The following DLGAP4 variants were observed in gnomAD, a reference collection of about 807,000 sequenced individuals.
DLGAP4 encodes disks large-associated protein 4.
DLGAP4 carries 18 observed loss-of-function variants against 86.9 expected under a neutral mutation model. The ratio of observed to expected loss-of-function variants is 0.21; its 90% CI spans 0.14 to 0.31. The LOEUF (loss-of-function observed/expected upper bound fraction) is 0.31, where lower values mean the gene tolerates loss of function less well. DLGAP4 is among the 10% of genes least tolerant of loss of function. The probability of loss-of-function intolerance (pLI) is 1.00; values close to 1 mark genes in which losing one functional copy is unlikely to be tolerated. For synonymous variants in DLGAP4, 548 were observed against 574.3 expected, an observed-to-expected ratio of 0.95 and a Z score of 0.65; for missense variants, 1,085 against 1,362.6, an observed-to-expected ratio of 0.80 and a Z score of 3.21.
chr20:36,467,294 G>GA, intron 7 of DLGAP4, among the ~76,000 whole-genome samples: 1 of 152,348 alleles, frequency 6.6e-6, no homozygotes, highest in African/African-American at 2.4e-5. Context: ...AGAGCCCTTT[G>GA]AGGGGAGCTG....
intron 1 of DLGAP4, among the ~76,000 whole-genome samples, chr20:36,332,547 A>G (rs1207224933): frequency 2.0e-5 from 3 of 151,784 alleles, no homozygotes; most frequent in Non-Finnish European, 4.4e-5. Flanking sequence ...CCGCCACTGC[A>G]CCCAGCTAAT....
At position 36,500,535 on chromosome 20, in the gene DLGAP4, G is replaced by A; in HGVS notation, c.2436G>A (p.Gln812=). ...RDGYWFLKLL[Q]AETERLEGWC... ...GCTACTGGTTCCTAAAGCTACTGCA[G>A]GCAGAAACAGAGCGGCTGGAAGGCT... Residue 812 remains glutamine (Q), a synonymous_variant, in exon 10 of 13, where the codon CAG becomes CAA. Coordinates refer to ENST00000339266, the MANE Select transcript of DLGAP4 (RefSeq NM_001365621.2). The surrounding 1 kb of genome is among the most constrained non-coding windows in gnomAD (Gnocchi z 4.6). 2 of 1,558,848 alleles carry A rather than the reference G, an allele frequency of 1.3e-6. No individual in the cohort carries two copies. Among genetic ancestry groups the A allele is most frequent in the Non-Finnish European group, 1.7e-6 (2 of 1,155,120 alleles).
chr20:36,377,868 G>C (rs185587983), intron 2 of DLGAP4, among the ~76,000 whole-genome samples: 1 of 152,190 alleles, frequency 6.6e-6, no homozygotes, highest in African/African-American at 2.4e-5. Context: ...TCAGCTCTTC[G>C]GGGGATTGGC....
At chr20:36,474,175 A>G (rs1406370575) in intron 7 of DLGAP4, among the ~76,000 whole-genome samples, 1 of 152,220 alleles carries the variant, frequency 6.6e-6, no homozygotes, top group African/African-American at 2.4e-5. Flanking sequence ...TGAAATAGCC[A>G]AAAACTGTCC....
chr20:36,458,237 G>A (rs1245797679), intron 7 of DLGAP4, among the ~76,000 whole-genome samples: 1 of 151,858 alleles, frequency 6.6e-6, no homozygotes, highest in Non-Finnish European at 1.5e-5. Flanking sequence ...CAGACCGGGT[G>A]CGGTGGCTCA....
intron 1 of DLGAP4, among the ~76,000 whole-genome samples, chr20:36,336,612 G>A (rs1356978871): frequency 6.6e-6 from 1 of 152,196 alleles, no homozygotes; most frequent in East Asian, 1.9e-4. Flanking sequence ...GGTGTTTGTG[G>A]ATGAGTGACT....
chr20:36,436,255 C>T lies in DLGAP4; in HGVS notation c.1146C>T (p.Gly382=). Residue 382 remains glycine (G), a synonymous_variant, in exon 4 of 13, where the codon GGC becomes GGT. Transcript: ENST00000339266. ...AMGDEDSDES[G]GSPKPSPKTA... is the part of the protein sequence containing the mutation. Reference sequence around the variant, plus strand: ...GCGACGAGGACAGCGACGAGTCCGGCGGCAGCCCCAAGCCCTCACCCAAGA... The same window carrying T: ...GCGACGAGGACAGCGACGAGTCCGGTGGCAGCCCCAAGCCCTCACCCAAGA... The T allele has an allele frequency of 1.2e-6, 2 of 1,605,754 alleles. No homozygotes were observed. Among genetic ancestry groups the T allele is most frequent in the Non-Finnish European group, 1.7e-6 (2 of 1,179,464 alleles).
At chr20:36,460,037 A>G (rs1288025000) in intron 7 of DLGAP4, among the ~76,000 whole-genome samples, 1 of 152,182 alleles carries the variant, frequency 6.6e-6, no homozygotes, top group Non-Finnish European at 1.5e-5. Flanking sequence ...AGTCCCAGAG[A>G]GGGAAAGGGA....
chr20:36,499,132 C>T (rs2147773259), intron 8 of DLGAP4: 3 of 1,116,794 alleles, frequency 2.7e-6, no homozygotes, highest in Non-Finnish European at 3.8e-6. Context: ...TGCCTCAAGA[C>T]AGCCGCCAGC....
At position 36,432,363 on chromosome 20, in the gene DLGAP4, G is replaced by A. The variant is rs202018894; in HGVS notation, c.646G>A (p.Gly216Ser). 83 of 1,613,470 alleles carry A rather than the reference G, an allele frequency of 5.1e-5. No individual in the cohort carries two copies. In the Middle Eastern group the frequency reaches 9.9e-4, roughly 19 times the overall value. Reference protein sequence around the residue: ...SSDDNLDGEAGAFRSSGPASG... With the variant: ...SSDDNLDGEASAFRSSGPASG... The stretch of plus-strand genomic sequence containing the variant: ...CGATGACAACTTGGACGGCGAGGCC[G>A]GCGCCTTCCGCAGCAGTGGCCCAGC... Residue 216 changes from glycine to serine, a missense_variant, in exon 3 of 13, where the codon GGC (glycine) becomes AGC (serine). Coordinates refer to ENST00000339266, the MANE Select transcript of DLGAP4 (RefSeq NM_001365621.2). This position sits in a 1 kb window ranked among gnomAD's most constrained non-coding sequence, Gnocchi z 6.5.
chr20:36,317,275 CTTATCTTTCTTTCTTTCTTATCTTTCTTT>C (rs2065114879), intron 1 of DLGAP4, among the ~76,000 whole-genome samples: 3 of 8,482 alleles, frequency 3.5e-4, no homozygotes, highest in African/African-American at 9.1e-4. Context: ...TTCTTTCTTT[CTTATCTTTCTTTCTTTCTTATCTTTCTTT>C]CTTCCTTCCT....
chr20:36,434,923 T>C (rs2033228567), intron 3 of DLGAP4, among the ~76,000 whole-genome samples: 1 of 152,068 alleles, frequency 6.6e-6, no homozygotes, highest in African/African-American at 2.4e-5. Flanking sequence ...ATGTGCAGTC[T>C]GGTGAGGGGT....
intron 2 of DLGAP4, among the ~76,000 whole-genome samples, chr20:36,402,584 C>T (rs1328146190): frequency 6.6e-6 from 1 of 151,924 alleles, no homozygotes; most frequent in Non-Finnish European, 1.5e-5. Context: ...CCTGTCTCTA[C>T]AAAATATTAA....
intron 1 of DLGAP4, among the ~76,000 whole-genome samples, chr20:36,325,918 A>G (rs1430757848): frequency 6.6e-6 from 1 of 151,932 alleles, no homozygotes; most frequent in African/African-American, 2.4e-5. Flanking sequence ...GGGTTTCACT[A>G]TGTTGACCAG....
chr20:36,400,784 G>A (rs2032134979), intron 2 of DLGAP4, among the ~76,000 whole-genome samples: 1 of 151,952 alleles, frequency 6.6e-6, no homozygotes, highest in South Asian at 2.1e-4. Context: ...CAGAAGACCA[G>A]TGACGTGCCT....
At chr20:36,473,097 G>A (rs956882324) in intron 7 of DLGAP4, 2 of 152,260 alleles carry the variant, frequency 1.3e-5, no homozygotes, top group Non-Finnish European at 2.9e-5. Flanking sequence ...AGCTGGAGCT[G>A]GGCTTCTGTC....
intron 7 of DLGAP4, among the ~76,000 whole-genome samples, chr20:36,466,997 GTC>G (rs550402174): frequency 3.6e-4 from 14 of 38,680 alleles, no homozygotes; most frequent in Non-Finnish European, 4.4e-4. Context: ...CTCTGTCTCT[GTC>G]TCTCTCTCTC....
At chr20:36,439,449 A>G (rs923293183) in intron 4 of DLGAP4, among the ~76,000 whole-genome samples, 1 of 152,216 alleles carries the variant, frequency 6.6e-6, no homozygotes, top group Non-Finnish European at 1.5e-5. Context: ...GGGGCCTGAT[A>G]GAAGCCACTC....
chr20:36,501,774 A>T (rs892951615), intron 10 of DLGAP4, among the ~76,000 whole-genome samples: 52 of 152,218 alleles, frequency 3.4e-4, no homozygotes, highest in Admixed American at 3.3e-3. Flanking sequence ...CAGAAGACTC[A>T]TCAGAGTCAT....
Sources: gnomAD v4.1 joint callset for allele counts (sites outside exome capture counted in the v4.1 genomes callset) on GRCh38, gnomAD v4.1.1 for gene constraint, Gnocchi (gnomAD v3.1) non-coding constraint, MANE v1.5 for transcripts, NCBI Gene and HGNC (gene_info 2026-07-23, HGNC 2026-07-21) for gene names.